The following DISC1 variants were observed in gnomAD, a reference collection of about 807,000 sequenced individuals.
The protein encoded by DISC1 is DISC1 scaffold protein.
A neutral mutation model predicts 84.5 loss-of-function variants in DISC1; 57 were observed. That is an observed-to-expected ratio of 0.67 (90% CI 0.55 to 0.84). DISC1 has a LOEUF of 0.84. DISC1 is among the 40% of genes least tolerant of loss of function. DISC1 has a pLI of 0.00. For missense variants in DISC1, 1,000 were observed against 1,057.8 expected (o/e 0.95, Z 0.76); for synonymous variants, 411 against 415.2 (o/e 0.99, Z 0.12).
intron 10 of DISC1, among the ~76,000 whole-genome samples, chr1:231,962,819 C>G (rs957033622): frequency 3.9e-5 from 6 of 152,166 alleles, no homozygotes; most frequent in Admixed American, 3.9e-4. Context: ...CAGCCCAATG[C>G]ACGGCCCACC....
chr1:232,004,784 A>G (rs1030274338), intron 10 of DISC1, among the ~76,000 whole-genome samples: 10 of 151,982 alleles, frequency 6.6e-5, no homozygotes, highest in Non-Finnish European at 1.5e-5. Context: ...ACCAGACCCC[A>G]TTCCTGCACT....
At chr1:231,762,088 CTT>C (rs2075713890) in intron 4 of DISC1, among the ~76,000 whole-genome samples, 1 of 151,632 alleles carries the variant, frequency 6.6e-6, no homozygotes, top group Non-Finnish European at 1.5e-5. Flanking sequence ...TTTTCTTTCT[CTT>C]TTCTTTTTTC....
At chr1:231,911,130 A>G (rs1408502812) in intron 9 of DISC1, among the ~76,000 whole-genome samples, 2 of 152,100 alleles carry the variant, frequency 1.3e-5, no homozygotes, top group African/African-American at 2.4e-5. Flanking sequence ...TCTTTATCCA[A>G]TTTGCCAGTC....
intron 9 of DISC1, among the ~76,000 whole-genome samples, chr1:231,862,246 G>A (rs73094812): frequency 0.018 from 2,709 of 152,334 alleles, 47 homozygotes; most frequent in African/African-American, 0.043. Flanking sequence ...GTGGCTGGAA[G>A]TAGCTCCAGC....
intron 10 of DISC1, among the ~76,000 whole-genome samples, chr1:231,995,911 G>A (rs79707840): frequency 0.053 from 7,973 of 151,518 alleles, 300 homozygotes; most frequent in East Asian, 0.2. Context: ...CTGAGGAATC[G>A]CCACACTGAC....
At chr1:231,975,866 A>G (rs1016044926) in intron 10 of DISC1, among the ~76,000 whole-genome samples, 1 of 152,212 alleles carries the variant, frequency 6.6e-6, no homozygotes, top group Non-Finnish European at 1.5e-5. Context: ...AAAATTACTT[A>G]TGGGTACAAT....
rs759010166 is a variant in DISC1, at chr1:231,694,163, G to C, written c.405G>C (p.Pro135=). ...GATTGCCTGACAGGCTTAGCTGGCC[G>C]TGTGGCCCTGGGAGTGCTGGGTGGC... ...GTRLPDRLSW[P]CGPGSAGWQQ... is the part of the protein sequence containing the mutation. The change falls in exon 2 of 13, where the codon CCG becomes CCC. Residue 135 remains proline (P), a synonymous_variant. Transcript: ENST00000439617. 1.9e-5 allele frequency: 31 copies of C among 1,614,206 alleles called. No homozygotes were observed. The highest frequency in any genetic ancestry group is 2.5e-5 in the Non-Finnish European group (30 of 1,180,026).
At chr1:232,019,121 G>T (rs954249669) in intron 11 of DISC1, among the ~76,000 whole-genome samples, 2 of 152,216 alleles carry the variant, frequency 1.3e-5, no homozygotes, top group African/African-American at 4.8e-5. Context: ...ATCATCTGGT[G>T]AGGGAGACAG....
intron 9 of DISC1, among the ~76,000 whole-genome samples, chr1:231,845,567 G>C (rs2083392471): frequency 6.6e-6 from 1 of 152,200 alleles, no homozygotes; most frequent in South Asian, 2.1e-4. Flanking sequence ...TTCCCCAGCT[G>C]TGCTCAGCAG....
intron 10 of DISC1, among the ~76,000 whole-genome samples, chr1:231,975,736 A>G (rs894940395): frequency 6.6e-6 from 1 of 152,260 alleles, no homozygotes; most frequent in Non-Finnish European, 1.5e-5. Flanking sequence ...AGAACATCAA[A>G]TATCGTGTGT....
chr1:231,843,109 G>C (rs367643919), intron 9 of DISC1, among the ~76,000 whole-genome samples: 12 of 152,236 alleles, frequency 7.9e-5, no homozygotes, highest in Non-Finnish European at 1.6e-4. Flanking sequence ...GTGTATGATG[G>C]GGGGGTATGA....
intron 1 of DISC1, among the ~76,000 whole-genome samples, chr1:231,631,189 C>CTTA (rs1302533892): frequency 6.6e-6 from 1 of 152,132 alleles, no homozygotes; most frequent in African/African-American, 2.4e-5. Context: ...TGTCGGCATC[C>CTTA]TTATTTAACA....
At chr1:231,999,887 TGAAAG>T (rs1174535897) in intron 10 of DISC1, among the ~76,000 whole-genome samples, 2 of 151,704 alleles carry the variant, frequency 1.3e-5, no homozygotes, top group African/African-American at 4.8e-5. Flanking sequence ...GGCAAACAAA[TGAAAG>T]GAACCACACT....
chr1:231,754,961 C>G (rs918807410), intron 4 of DISC1, among the ~76,000 whole-genome samples: 2 of 152,152 alleles, frequency 1.3e-5, no homozygotes, highest in Admixed American at 1.3e-4. Flanking sequence ...TCACTGTGAC[C>G]TGATTTCTGT....
At chr1:231,894,105 C>T (rs1289906006) in intron 9 of DISC1, among the ~76,000 whole-genome samples, 1 of 152,112 alleles carries the variant, frequency 6.6e-6, no homozygotes, top group Non-Finnish European at 1.5e-5. Context: ...CATACACTGG[C>T]TGGAGACAGG....
chr1:231,900,845 A>G (rs1476170735), intron 9 of DISC1, among the ~76,000 whole-genome samples: 1 of 152,176 alleles, frequency 6.6e-6, no homozygotes, highest in Non-Finnish European at 1.5e-5. Context: ...TTCATTCATC[A>G]AAGCGTATAC....
intron 8 of DISC1, among the ~76,000 whole-genome samples, chr1:231,802,260 G>A (rs1397766703): frequency 6.6e-6 from 1 of 152,106 alleles, no homozygotes; most frequent in Non-Finnish European, 1.5e-5. Context: ...GATCATGAGG[G>A]CGGTTTCCCC....
At chr1:231,687,596 A>C (rs1269847766) in intron 1 of DISC1, among the ~76,000 whole-genome samples, 2 of 152,198 alleles carry the variant, frequency 1.3e-5, no homozygotes, top group Non-Finnish European at 2.9e-5. Flanking sequence ...TAAGATTTGT[A>C]TTATTTTTAT....
intron 9 of DISC1, among the ~76,000 whole-genome samples, chr1:231,825,085 A>G (rs113238995): frequency 0.021 from 3,184 of 152,174 alleles, 101 homozygotes; most frequent in African/African-American, 0.071. Flanking sequence ...TACTTTGTTC[A>G]TTTATTTTCT....
Sources: gnomAD v4.1 joint callset for allele counts (sites outside exome capture counted in the v4.1 genomes callset) on GRCh38, gnomAD v4.1.1 for gene constraint, MANE v1.5 for transcripts, NCBI Gene and HGNC (gene_info 2026-07-23, HGNC 2026-07-21) for gene names.